Variants in DNAAF5 observed in about 807,000 individuals in gnomAD.
The protein encoded by DNAAF5 is HEAT repeat containing 2.
DNAAF5 carries 64 observed loss-of-function variants against 75.8 expected under a neutral mutation model. That is an observed-to-expected ratio of 0.84 (90% CI 0.69 to 1.04). The LOEUF is 1.04. Among genes scored for constraint, DNAAF5 ranks in the 50% least tolerant of loss-of-function variants. The pLI is 0.00. For synonymous variants in DNAAF5, 657 were observed against 557.2 expected (o/e 1.18, Z -2.52); for missense variants, 1,269 against 1,178.5 (o/e 1.08, Z -1.12).
At chr7:767,116 G>C (rs1004594205) in intron 8 of DNAAF5, among the ~76,000 whole-genome samples, 3 of 151,922 alleles carry the variant, frequency 2.0e-5, no homozygotes, top group Non-Finnish European at 4.4e-5. Context: ...GCGGGCGCTT[G>C]TGGTCCCAGC....
chr7:757,186 T>C (rs1337742692), intron 6 of DNAAF5, among the ~76,000 whole-genome samples, 192 bp downstream of exon 6: 4 of 152,184 alleles, frequency 2.6e-5, no homozygotes, highest in African/African-American at 4.8e-5. Context: ...GTAACCGGAG[T>C]GCCCTCGCTG....
intron 11 of DNAAF5, among the ~76,000 whole-genome samples, chr7:779,084 G>A (rs1041422664): frequency 1.3e-5 from 2 of 152,282 alleles, no homozygotes; most frequent in African/African-American, 4.8e-5. Flanking sequence ...TCAAAGCCTG[G>A]CTTGGTAGGA....
chr7:777,144 A>G (rs896063509), intron 11 of DNAAF5, among the ~76,000 whole-genome samples: 4 of 152,182 alleles, frequency 2.6e-5, no homozygotes, highest in African/African-American at 9.7e-5. Context: ...ATCTCATTAT[A>G]TGTTACAATG....
Position 762,049 on chromosome 7 carries a change from C to T in DNAAF5, c.1614+153C>T, listed in dbSNP as rs550871190. 3.3e-5 allele frequency among the ~76,000 whole-genome samples: 5 copies of T among 152,346 alleles called. No homozygotes were observed. The South Asian group carries it at 6.2e-4, about 19-fold the overall frequency. The stretch of plus-strand genomic sequence containing the variant: ...ACCTTGCGGGTGAGTCCCCGGGCAA[C>T]GGCCTTCGGGGCAGCTCTCCAGCTG... On this transcript the variant is annotated intron_variant, in intron 7 of 12. Coordinates refer to ENST00000297440, the MANE Select transcript of DNAAF5 (RefSeq NM_017802.4).
chr7:759,962 T>G (rs2128079773), intron 6 of DNAAF5, among the ~76,000 whole-genome samples: 1 of 152,238 alleles, frequency 6.6e-6, no homozygotes, highest in African/African-American at 2.4e-5. Flanking sequence ...TTAGAGAAAT[T>G]GGGCTGTGGG....
chr7:752,875 A>G (rs77383829), intron 4 of DNAAF5, among the ~76,000 whole-genome samples: 2,311 of 152,352 alleles, frequency 0.015, 40 homozygotes, highest in East Asian at 0.12. Context: ...CAGGAAAACA[A>G]TCCATTTTTT....
chr7:775,577 C>A (rs957946945), intron 11 of DNAAF5, among the ~76,000 whole-genome samples: 1 of 151,930 alleles, frequency 6.6e-6, no homozygotes, highest in African/African-American at 2.4e-5. Context: ...TTTATACATA[C>A]AAATACAAAT....
At chr7:740,794 C>G (rs1274636294) in intron 2 of DNAAF5, 25 bp from the exon 3 acceptor site, 1 of 1,612,362 alleles carries the variant, frequency 6.2e-7, no homozygotes, top group African/African-American at 1.3e-5. Flanking sequence ...CTACACGAAT[C>G]CTTATCCCTT....
chr7:774,536 C>G (rs1778691695), intron 10 of DNAAF5, among the ~76,000 whole-genome samples: 1 of 142,850 alleles, frequency 7.0e-6, no homozygotes, highest in South Asian at 2.3e-4. Flanking sequence ...GGATCCAGGC[C>G]AGAGGACGGG....
chr7:731,375 T>C (rs907485625), intron 2 of DNAAF5, among the ~76,000 whole-genome samples: 4 of 152,248 alleles, frequency 2.6e-5, no homozygotes, highest in Non-Finnish European at 5.9e-5. Flanking sequence ...GAGCACGCTC[T>C]GTAAATACTG....
rs758632496 is a variant in DNAAF5 at position 763,982 on chromosome 7, G to A, written c.1783+8G>A. On this transcript the variant is annotated splice_region_variant and intron_variant, in intron 8 of 12. Coordinates refer to ENST00000297440, the MANE Select transcript of DNAAF5 (RefSeq NM_017802.4). ...TCATCGTCGCACAGTCAGGTGAGCCGTCCCGACAGCTGGCGTGCCGTGCCT... is the reference window on the plus strand; with the variant it reads ...TCATCGTCGCACAGTCAGGTGAGCCATCCCGACAGCTGGCGTGCCGTGCCT... The A allele has an allele frequency of 5.9e-5, 95 of 1,600,954 alleles. No homozygotes were observed. The highest frequency in any genetic ancestry group is 1.1e-4 in the East Asian group (5 of 44,882).
Position 740,849 on chromosome 7 carries a change from G to A in DNAAF5, c.811G>A (p.Gly271Ser), listed in dbSNP as rs764170608. ...VRRAVASVVG[G>S]WLLCLRDRYS... ...GCGGGCGGTGGCCTCCGTGGTGGGC[G>A]GCTGGCTGCTGTGTCTGCGTGACCG... The change falls in exon 3 of 13, where the codon GGC (glycine) becomes AGC (serine). Residue 271 changes from glycine (G) to serine (S), a missense_variant. Gly to Ser is a moderately conservative substitution (Grantham distance 56). Coordinates refer to ENST00000297440, the MANE Select transcript of DNAAF5 (RefSeq NM_017802.4). 2.5e-5 allele frequency: 40 copies of A among 1,613,894 alleles called. No individual in the cohort carries two copies. Among genetic ancestry groups the A allele is most frequent in the Middle Eastern group, 1.6e-4 (1 of 6,082 alleles).
At chr7:773,906 A>G in intron 9 of DNAAF5, 142 bp from the exon 10 acceptor site, 1 of 895,270 alleles carries the variant, frequency 1.1e-6, no homozygotes, top group Non-Finnish European at 1.8e-6. Flanking sequence ...GCAGCTCCTG[A>G]GAGGAGGAGG....
At chr7:732,160 G>A (rs1781605827) in intron 2 of DNAAF5, among the ~76,000 whole-genome samples, 1 of 152,246 alleles carries the variant, frequency 6.6e-6, no homozygotes, top group South Asian at 2.1e-4. Context: ...GACACAGGCG[G>A]TCTAGCCGCC....
chr7:755,331 C>G (rs1782449305), intron 5 of DNAAF5, among the ~76,000 whole-genome samples: 1 of 152,186 alleles, frequency 6.6e-6, no homozygotes, highest in Admixed American at 6.5e-5. Flanking sequence ...CGCCTCGTCA[C>G]CACTGGGTAC....
In DNAAF5 at chr7:754,879, C is replaced by T; in HGVS notation, c.1257+58C>T. 7.5e-7 allele frequency: 1 copy of T among 1,337,354 alleles called. No homozygotes were observed. The highest frequency in any genetic ancestry group is 1.0e-6 in the Non-Finnish European group (1 of 967,264). The allele number at this position is 1,337,354 out of a possible 1,614,324, so 82.8% of individuals were successfully genotyped here. A position where few individuals can be genotyped will look rare whatever the true frequency, so the allele number is the denominator to read the frequency against. ...GCTGTAACTCGAGCTTAAGATCCCG[C>T]CTCTGTGGTGTGCGGGGCCCGAGGC... On this transcript the variant is annotated intron_variant, in intron 5 of 12. Coordinates refer to ENST00000297440, the MANE Select transcript of DNAAF5 (RefSeq NM_017802.4). The surrounding 1 kb of genome is among the most constrained non-coding windows in gnomAD (Gnocchi z 4.8).
intron 11 of DNAAF5, 59 bp from the exon 12 acceptor site, chr7:779,894 C>T: frequency 4.8e-6 from 7 of 1,464,306 alleles, no homozygotes; most frequent in South Asian, 2.5e-5. Context: ...CCTTTGTGGA[C>T]GTTTAGACGT....
intron 4 of DNAAF5, among the ~76,000 whole-genome samples, chr7:743,701 A>G (rs959562995): frequency 4.0e-5 from 6 of 149,036 alleles, no homozygotes; most frequent in East Asian, 2.0e-4. Context: ...CTGGAGTGCA[A>G]TGACTCAGTC....
At chr7:761,319 G>A (rs374000031) in intron 6 of DNAAF5, among the ~76,000 whole-genome samples, 300 of 152,366 alleles carry the variant, frequency 2.0e-3, no homozygotes, top group South Asian at 0.015. Flanking sequence ...TAGGAGCCCC[G>A]GGCGGGCTCT....
Sources: allele counts gnomAD v4.1 joint callset (sites outside exome capture counted in the v4.1 genomes callset), GRCh38; gene constraint gnomAD v4.1.1; non-coding constraint Gnocchi (gnomAD v3.1); transcripts MANE v1.5; gene names NCBI Gene and HGNC (gene_info 2026-07-23, HGNC 2026-07-21).